Variants in CLCN4 observed in about 807,000 individuals in gnomAD.
The protein encoded by CLCN4 is Cl-/H+ antiporter 4, also known as H(+)/Cl(-) exchange transporter 4.
In CLCN4, 1 loss-of-function variant was observed where a neutral mutation model predicts 41.7. The ratio of observed to expected loss-of-function variants is 0.02; its 90% CI spans 0.01 to 0.11. The LOEUF (loss-of-function observed/expected upper bound fraction) is 0.11. Among genes scored for constraint, CLCN4 ranks in the 10% least tolerant of loss-of-function variants. CLCN4 has a pLI of 1.00. For missense variants in CLCN4, 287 were observed against 661.0 expected, an observed-to-expected ratio of 0.43 and a Z score of 6.20; for synonymous variants, 277 against 285.8, an observed-to-expected ratio of 0.97 and a Z score of 0.31.
intron 2 of CLCN4, among the ~76,000 whole-genome samples, chrX:10,170,403 G>A: frequency 8.9e-6 from 1 of 111,919 alleles, no homozygotes; most frequent in African/African-American, 3.2e-5. Context: ...TGAACAAAAT[G>A]CAGTTTCTAA....
rs1924385999 is a variant in CLCN4 at position 10,206,298 on chromosome X, C to T, written c.556-60C>T. On this transcript the variant is annotated intron_variant, in intron 6 of 12. Transcript: ENST00000380833. Reference sequence around the variant, plus strand: ...CGTGTCTCTCAGAGGAATTATAGCTCTTTTCCTAGCCATGGATTGAAGGAG... The same window carrying T: ...CGTGTCTCTCAGAGGAATTATAGCTTTTTTCCTAGCCATGGATTGAAGGAG... The T allele has an allele frequency of 1.7e-5, 16 of 918,233 alleles. No homozygotes were observed. The South Asian group carries it at 2.1e-4, about 12-fold the overall frequency. 75.7% of individuals were successfully genotyped at this position (918,233 alleles called of 1,213,427 possible).
intron 6 of CLCN4, among the ~76,000 whole-genome samples, chrX:10,200,349 C>T (rs1423948568): frequency 8.9e-6 from 1 of 112,824 alleles, no homozygotes; most frequent in Non-Finnish European, 1.9e-5. Context: ...AACCAAGTGT[C>T]GTAGCAGAGC....
intron 12 of CLCN4, among the ~76,000 whole-genome samples, chrX:10,230,265 G>A (rs1925095107): frequency 9.0e-6 from 1 of 111,555 alleles, no homozygotes; most frequent in Admixed American, 9.5e-5. Flanking sequence ...CTCTGGCTCT[G>A]ACATGCCTCA....
At chrX:10,159,801 T>C (rs921476362) in intron 2 of CLCN4, among the ~76,000 whole-genome samples, 79 of 111,195 alleles carry the variant, frequency 7.1e-4, no homozygotes, top group African/African-American at 2.5e-3. Context: ...CGCCCTCCCT[T>C]CTCCTCCAGC....
chrX:10,229,625 A>G (rs1469691631), intron 12 of CLCN4, among the ~76,000 whole-genome samples: 1 of 104,716 alleles, frequency 9.5e-6, no homozygotes, highest in African/African-American at 3.5e-5. Context: ...ATTCCCACCT[A>G]TGAGTGAGAA....
chrX:10,186,928 A>G (rs1470795605), intron 3 of CLCN4, among the ~76,000 whole-genome samples: 1 of 112,036 alleles, frequency 8.9e-6, no homozygotes, highest in East Asian at 2.8e-4. Context: ...TCCTTTACAG[A>G]AAACATTTGC....
chrX:10,171,670 G>A (rs957162207), intron 2 of CLCN4, among the ~76,000 whole-genome samples: 3 of 112,177 alleles, frequency 2.7e-5, no homozygotes, highest in Non-Finnish European at 5.6e-5. Flanking sequence ...CATGGCATAT[G>A]CATGGCTATG....
chrX:10,230,769 C>G (rs904889281), intron 12 of CLCN4, among the ~76,000 whole-genome samples: 1 of 112,089 alleles, frequency 8.9e-6, no homozygotes, highest in African/African-American at 3.2e-5. Flanking sequence ...CCCTTCACTC[C>G]CCTCAGTTTC....
chrX:10,183,140 T>C (rs1923727630), intron 2 of CLCN4, among the ~76,000 whole-genome samples: 2 of 112,165 alleles, frequency 1.8e-5, no homozygotes, highest in African/African-American at 6.5e-5. Flanking sequence ...GAATGAAATC[T>C]TTGCTTTCTA....
chrX:10,157,956 A>T (rs182093313), intron 1 of CLCN4, among the ~76,000 whole-genome samples: 1 of 112,712 alleles, frequency 8.9e-6, no homozygotes, highest in Non-Finnish European at 1.9e-5. Context: ...AGAGTAATTA[A>T]AGCATTATTC....
intron 2 of CLCN4, 26 bp downstream of exon 2, chrX:10,158,577 C>T (rs1304095660): frequency 7.0e-6 from 2 of 287,187 alleles, no homozygotes; most frequent in Non-Finnish European, 1.2e-5. Flanking sequence ...CGCCTGGATG[C>T]CCTCCCCGGC....
In CLCN4 at chrX:10,195,176, G is replaced by A. The variant is rs1273297361; in HGVS notation, c.432+78G>A. 1.2e-5 allele frequency: 12 copies of A among 984,481 alleles called. No individual in the cohort carries two copies. In the Admixed American group the frequency reaches 2.8e-4, roughly 23 times the overall value. 81.1% of individuals were successfully genotyped at this position (984,481 alleles called of 1,213,427 possible). ...TTGGGAATGCTGCTGGGAGATTTGTGAATGTCTGTGATTTCACCTTCAAGT... is the reference window on the plus strand; with the variant it reads ...TTGGGAATGCTGCTGGGAGATTTGTAAATGTCTGTGATTTCACCTTCAAGT... On this transcript the variant is annotated intron_variant, in intron 5 of 12. Coordinates refer to ENST00000380833, the MANE Select transcript of CLCN4 (RefSeq NM_001830.4).
At chrX:10,208,773 T>C (rs990100665) in intron 9 of CLCN4, among the ~76,000 whole-genome samples, 183 bp downstream of exon 9, 7 of 111,888 alleles carry the variant, frequency 6.3e-5, no homozygotes, top group Non-Finnish European at 1.3e-4. Context: ...ACAATAAGCT[T>C]ATGAAATAGA....
At chrX:10,230,121 T>C (rs952881019) in intron 12 of CLCN4, among the ~76,000 whole-genome samples, 4 of 112,440 alleles carry the variant, frequency 3.6e-5, no homozygotes, top group African/African-American at 1.3e-4. Context: ...TTTTTCCCTA[T>C]AGAGTTGTTT....
chrX:10,229,569 G>A (rs112249962), intron 12 of CLCN4, among the ~76,000 whole-genome samples: 2,601 of 89,627 alleles, frequency 0.029, 118 homozygotes, highest in African/African-American at 0.1. Flanking sequence ...TACAGGCCCC[G>A]GTGTGTGATG....
chrX:10,205,630 C>T (rs887563276), intron 6 of CLCN4, among the ~76,000 whole-genome samples: 1 of 78,641 alleles, frequency 1.3e-5, no homozygotes, highest in Admixed American at 1.6e-4. Context: ...TTTTTTGAAA[C>T]AGGATCTTGC....
chrX:10,217,177 T>C (rs1924746622), intron 11 of CLCN4, among the ~76,000 whole-genome samples: 4 of 108,393 alleles, frequency 3.7e-5, no homozygotes, highest in South Asian at 4.1e-4. Flanking sequence ...CATAGCTCAC[T>C]GCAGCCTCTA....
In CLCN4 at chrX:10,206,340, C is replaced by T. The variant is rs1278061746; in HGVS notation, c.556-18C>T. 1.7e-6 allele frequency: 2 copies of T among 1,171,603 alleles called. No individual in the cohort carries two copies. The highest frequency in any genetic ancestry group is 3.6e-5 in the South Asian group (2 of 55,555). ...TTGAAGGAGTTCATTCCCTCTTGTT[C>T]TCCATCCTCTGTTTCAGATAAAGAC... On this transcript the variant is annotated intron_variant, in intron 6 of 12. Transcript: ENST00000380833.
chrX:10,188,119 G>C, intron 4 of CLCN4, among the ~76,000 whole-genome samples: 1 of 112,000 alleles, frequency 8.9e-6, no homozygotes, highest in Non-Finnish European at 1.9e-5. Flanking sequence ...GGGTCTCACT[G>C]TGTTGCTCAG....
Sources: gnomAD v4.1 joint callset for allele counts (sites outside exome capture counted in the v4.1 genomes callset) on GRCh38, gnomAD v4.1.1 for gene constraint, MANE v1.5 for transcripts, NCBI Gene and HGNC (gene_info 2026-07-23, HGNC 2026-07-21) for gene names.